Variants in ACVR2B observed in about 807,000 individuals in gnomAD.
ACVR2B encodes the protein activin A receptor type 2B.
Under a neutral mutation model 65.1 loss-of-function variants are expected in ACVR2B, and 18 were observed. The observed-to-expected ratio is 0.28, with a 90% CI of 0.19 to 0.41. The LOEUF is 0.41. Ranked by LOEUF, ACVR2B falls within the 10% of genes least tolerant of loss-of-function variation. ACVR2B has a pLI of 1.00. For missense variants in ACVR2B, 482 were observed against 682.7 expected, an observed-to-expected ratio of 0.71 and a Z score of 3.28; for synonymous variants, 298 against 277.7, an observed-to-expected ratio of 1.07 and a Z score of -0.73.
chr3:38,476,897 T>A (rs926145737), intron 1 of ACVR2B: 1 of 331,906 alleles, frequency 3.0e-6, no homozygotes, highest in Admixed American at 4.3e-5. Context: ...TCTTCATCGG[T>A]TTCTGCTGCA....
chr3:38,455,506 A>T (rs982547009), intron 1 of ACVR2B, among the ~76,000 whole-genome samples: 2 of 152,046 alleles, frequency 1.3e-5, no homozygotes, highest in African/African-American at 2.4e-5. Context: ...CGGAGTCCCC[A>T]CGCTGCTGCG....
rs1434776660 is a variant in ACVR2B at position 38,481,806 on chromosome 3, A to G, written c.1074+341A>G. On this transcript the variant is annotated intron_variant, in intron 8 of 10. Coordinates refer to ENST00000352511, the MANE Select transcript of ACVR2B (RefSeq NM_001106.4). This position sits in a 1 kb window ranked among gnomAD's most constrained non-coding sequence, Gnocchi z 4.7. ...AAGGATCCAAACAAAGAACCTGGAA[A>G]AAGTAACTAAAAATTAAACTTAGGA... Among the ~76,000 whole-genome samples the G allele has an allele frequency of 6.6e-6, 1 of 152,242 alleles. No homozygotes were observed. Among genetic ancestry groups the G allele is most frequent in the Non-Finnish European group, 1.5e-5 (1 of 68,044 alleles).
At chr3:38,482,899 T>C (rs1001131342) in intron 10 of ACVR2B, among the ~76,000 whole-genome samples, 9 of 152,170 alleles carry the variant, frequency 5.9e-5, no homozygotes, top group East Asian at 1.9e-4. Context: ...TGAGGTTCAA[T>C]GAACCTTTCC....
intron 1 of ACVR2B, among the ~76,000 whole-genome samples, chr3:38,458,528 CACTT>C (rs962966668): frequency 6.6e-6 from 1 of 152,168 alleles, no homozygotes; most frequent in Non-Finnish European, 1.5e-5. Flanking sequence ...CTTGGTACCT[CACTT>C]ACTTTGCCTT....
intron 10 of ACVR2B, 71 bp downstream of exon 10, chr3:38,482,631 G>A: frequency 1.3e-6 from 2 of 1,575,064 alleles, no homozygotes; most frequent in Non-Finnish European, 1.7e-6. Flanking sequence ...TAGCAGGTAA[G>A]CTGAAATCAA....
chr3:38,484,966 C>T lies in ACVR2B; in HGVS notation c.*1634C>T, dbSNP rs971067751. 2 of 152,536 alleles carry T rather than the reference C, an allele frequency of 1.3e-5. No individual in the cohort carries two copies. Among genetic ancestry groups the T allele is most frequent in the Non-Finnish European group, 2.9e-5 (2 of 68,034 alleles). The allele number at this position is 152,536 out of a possible 1,614,324, so 9.4% of individuals were successfully genotyped here. A position where few individuals can be genotyped will look rare whatever the true frequency, so the allele number is the denominator to read the frequency against. ...GCTACCATTTTTGTTTGATAACGCC[C>T]CCTTGTAAATAATTGTCATCAACTG... On this transcript the variant is annotated 3_prime_UTR_variant, in exon 11 of 11. Coordinates refer to ENST00000352511, the MANE Select transcript of ACVR2B (RefSeq NM_001106.4).
chr3:38,482,876 C>G (rs566212678), intron 10 of ACVR2B, among the ~76,000 whole-genome samples: 2 of 152,308 alleles, frequency 1.3e-5, no homozygotes, highest in East Asian at 3.9e-4. Flanking sequence ...CTCCTTCTCC[C>G]TCCTGTGTAT....
At chr3:38,459,791 G>A (rs1010228688) in intron 1 of ACVR2B, 27 of 491,264 alleles carry the variant, frequency 5.5e-5, no homozygotes, top group African/African-American at 5.4e-4. Flanking sequence ...GGGCAGCGCT[G>A]CCTTAGACAG....
chr3:38,479,796 G>A lies in ACVR2B; in HGVS notation c.929G>A (p.Gly310Asp). Residue 310 changes from glycine (G) to aspartate (D), a missense_variant, in exon 7 of 11, where the codon GGC (glycine) becomes GAC (aspartate). Gly to Asp is a moderately conservative substitution (Grantham distance 94, BLOSUM62 -1). This residue lies in a region of ACVR2B where 223 missense variants were observed against 386.3 expected (regional missense o/e 0.58). Coordinates refer to ENST00000352511, the MANE Select transcript of ACVR2B (RefSeq NM_001106.4). Reference protein sequence around the residue: ...YLHEDVPWCRGEGHKPSIAHR... With the variant: ...YLHEDVPWCRDEGHKPSIAHR... Reference sequence around the variant, plus strand: ...CATGAGGATGTGCCCTGGTGCCGTGGCGAGGGCCACAAGCCGTCTATTGCC... The same window carrying A: ...CATGAGGATGTGCCCTGGTGCCGTGACGAGGGCCACAAGCCGTCTATTGCC... 1.9e-6 allele frequency: 3 copies of A among 1,614,208 alleles called. No homozygotes were observed. The highest frequency in any genetic ancestry group is 2.5e-6 in the Non-Finnish European group (3 of 1,180,028).
chr3:38,466,684 T>G (rs1709734458), intron 1 of ACVR2B, among the ~76,000 whole-genome samples: 1 of 152,044 alleles, frequency 6.6e-6, no homozygotes, highest in African/African-American at 2.4e-5. Context: ...TTGTATTTTT[T>G]AGTAGAGACA....
chr3:38,462,640 CTT>C (rs1709668144), intron 1 of ACVR2B, among the ~76,000 whole-genome samples: 1 of 152,198 alleles, frequency 6.6e-6, no homozygotes, highest in African/African-American at 2.4e-5. Context: ...CTTTGGCAAA[CTT>C]TCTGATACAT....
chr3:38,464,090 A>C (rs185144204), intron 1 of ACVR2B, among the ~76,000 whole-genome samples: 34 of 152,350 alleles, frequency 2.2e-4, no homozygotes, highest in Admixed American at 1.0e-3. Flanking sequence ...CTTTTGCACC[A>C]ACCCAATAGT....
In ACVR2B at chr3:38,466,902, G is replaced by A. The variant is rs183716950; in HGVS notation, c.53-10385G>A. On this transcript the variant is annotated intron_variant, in intron 1 of 10. Coordinates refer to ENST00000352511, the MANE Select transcript of ACVR2B (RefSeq NM_001106.4). ...GAATGTCAGAGATGAAGAGAGGAATGAAGAGCAATGAAAATAATAAATATT... is the reference window on the plus strand; with the variant it reads ...GAATGTCAGAGATGAAGAGAGGAATAAAGAGCAATGAAAATAATAAATATT... Among the ~76,000 whole-genome samples the A allele has an allele frequency of 9.8e-5, 15 of 152,320 alleles. No homozygotes were observed. The East Asian group carries it at 2.9e-3, about 29-fold the overall frequency.
Position 38,482,285 on chromosome 3 carries a change from G to A in ACVR2B, c.1162G>A (p.Ala388Thr). The A allele has an allele frequency of 6.2e-7, 1 of 1,612,958 alleles. No individual in the cohort carries two copies. The highest frequency in any genetic ancestry group is 8.5e-7 in the Non-Finnish European group (1 of 1,179,838). ...RDAFLRIDMY[A>T]MGLVLWELVS... ...TGCCTTCCTGCGCATTGACATGTAT[G>A]CCATGGGGTTGGTGCTGTGGGAGCT... Residue 388 changes from alanine (A) to threonine (T), a missense_variant, in exon 9 of 11, where the codon GCC becomes ACC. By Grantham distance (58) the Ala-to-Thr change is moderately conservative. Transcript: ENST00000352511.
Position 38,481,224 on chromosome 3 carries a change from A to T in ACVR2B, c.960-127A>T. 2 of 808,022 alleles carry T rather than the reference A, an allele frequency of 2.5e-6. No homozygotes were observed. The highest frequency in any genetic ancestry group is 4.4e-6 in the Non-Finnish European group (2 of 458,392). 50.1% of individuals were successfully genotyped at this position (808,022 alleles called of 1,614,324 possible). ...CCTGCTTGTGCTGCTTCACCTCTGC[A>T]CCCCAGGTAGGGTGGGATGGCCTGG... On this transcript the variant is annotated intron_variant, in intron 7 of 10. Transcript: ENST00000352511. This position sits in a 1 kb window ranked among gnomAD's most constrained non-coding sequence, Gnocchi z 4.7.
chr3:38,458,291 C>A (rs528977297), intron 1 of ACVR2B, among the ~76,000 whole-genome samples: 2 of 152,158 alleles, frequency 1.3e-5, no homozygotes, highest in Non-Finnish European at 2.9e-5. Flanking sequence ...ATGTCATAGA[C>A]CCCTCTGAGA....
chr3:38,482,592 G>T, intron 10 of ACVR2B, 32 bp downstream of exon 10: 1 of 1,604,328 alleles, frequency 6.2e-7, no homozygotes, highest in South Asian at 1.1e-5. Flanking sequence ...ACTTTGCAGG[G>T]GGGTGGAGAA....
rs1709953333 is a variant in ACVR2B, at chr3:38,478,442, C to T, written c.590C>T (p.Ala197Val). 7.4e-6 allele frequency: 12 copies of T among 1,614,128 alleles called. No homozygotes were observed. Among genetic ancestry groups the T allele is most frequent in the Non-Finnish European group, 9.3e-6 (11 of 1,180,018 alleles). The change falls in exon 5 of 11, where the codon GCT (alanine) becomes GTT (valine). Residue 197 changes from alanine (A) to valine (V), a missense_variant. Coordinates refer to ENST00000352511, the MANE Select transcript of ACVR2B (RefSeq NM_001106.4). ...LKPLQLLEIK[A>V]RGRFGCVWKA... ...CCACTGCAGCTGCTGGAGATCAAGGCTCGGGGGCGCTTTGGCTGTGTCTGG... is the reference window on the plus strand; with the variant it reads ...CCACTGCAGCTGCTGGAGATCAAGGTTCGGGGGCGCTTTGGCTGTGTCTGG...
At position 38,485,683 on chromosome 3, in the gene ACVR2B, T is replaced by C. The variant is rs1489745703; in HGVS notation, c.*2351T>C. The stretch of plus-strand genomic sequence containing the variant: ...TATGTTGTCTTTTTTTTTTTTTTTT[T>C]TTTTTTTTTTAATGGTTTGATTTTG... On this transcript the variant is annotated 3_prime_UTR_variant, in exon 11 of 11. Coordinates refer to ENST00000352511, the MANE Select transcript of ACVR2B (RefSeq NM_001106.4). 3 of 148,532 alleles carry C rather than the reference T, an allele frequency of 2.0e-5. No individual in the cohort carries two copies. Among genetic ancestry groups the C allele is most frequent in the African/African-American group, 7.5e-5 (3 of 39,744 alleles). 9.2% of individuals were successfully genotyped at this position (148,532 alleles called of 1,614,324 possible). A position where few individuals can be genotyped will look rare whatever the true frequency, so the allele number is the denominator to read the frequency against.
Sources: allele counts gnomAD v4.1 joint callset (sites outside exome capture counted in the v4.1 genomes callset), GRCh38; gene constraint gnomAD v4.1.1; regional missense constraint gnomAD v4.1.1; non-coding constraint Gnocchi (gnomAD v3.1); transcripts MANE v1.5; gene names NCBI Gene and HGNC (gene_info 2026-07-23, HGNC 2026-07-21).